Variants in CTSO observed in about 807,000 individuals in gnomAD.
The protein encoded by CTSO is cathepsin O.
Under a neutral mutation model 42.4 loss-of-function variants are expected in CTSO, and 40 were observed. The observed-to-expected ratio is 0.94, with a 90% confidence interval of 0.73 to 1.23. CTSO has a LOEUF of 1.23. Ranked by LOEUF, CTSO falls within the 50% of genes most tolerant of loss-of-function variation. The probability of loss-of-function intolerance (pLI) is 0.00; values close to 1 mark genes in which losing one functional copy is unlikely to be tolerated. For synonymous variants in CTSO, 156 were observed against 146.2 expected (o/e 1.07, Z -0.48); for missense variants, 441 against 396.0 (o/e 1.11, Z -0.96).
At chr4:155,926,537 A>G (rs1743131799) in intron 7 of CTSO, among the ~76,000 whole-genome samples, 1 of 152,218 alleles carries the variant, frequency 6.6e-6, no homozygotes, top group Non-Finnish European at 1.5e-5. Flanking sequence ...ATCATGGCAA[A>G]AGCAATAAAT....
intron 1 of CTSO, among the ~76,000 whole-genome samples, chr4:155,950,857 C>CGTG (rs144613010): frequency 6.6e-6 from 1 of 151,156 alleles, no homozygotes; most frequent in South Asian, 2.1e-4. Context: ...ACCCCACCCC[C>CGTG]ACACCCCAGT....
intron 4 of CTSO, among the ~76,000 whole-genome samples, chr4:155,938,565 A>G (rs947701815): frequency 6.6e-6 from 1 of 152,124 alleles, no homozygotes; most frequent in Non-Finnish European, 1.5e-5. Flanking sequence ...GACTGAAGGT[A>G]CAACTCCGGC....
At chr4:155,929,266 C>G (rs1401960308) in intron 6 of CTSO, among the ~76,000 whole-genome samples, 1 of 152,166 alleles carries the variant, frequency 6.6e-6, no homozygotes, top group African/African-American at 2.4e-5. Flanking sequence ...CTGTTCGGGG[C>G]TCTCAGCTCT....
rs775736194 is a variant in CTSO, at chr4:155,939,364, T to C, written c.552+7A>G. 3.1e-6 allele frequency: 5 copies of C among 1,595,182 alleles called. No individual in the cohort carries two copies. The highest frequency in any genetic ancestry group is 1.3e-5 in the African/African-American group (1 of 74,624). Reference sequence around the variant, plus strand: ...TAAAGAGTTTAAGAGGTTGAGAGACTAGTCACCTTGTTTAACCAGTTCAAA... The same window carrying C: ...TAAAGAGTTTAAGAGGTTGAGAGACCAGTCACCTTGTTTAACCAGTTCAAA... On this transcript the variant is annotated splice_region_variant and intron_variant, in intron 4 of 7. Transcript: ENST00000433477.
chr4:155,926,194 T>C (rs1301600688), intron 7 of CTSO, 124 bp from the exon 8 acceptor site: 1 of 632,368 alleles, frequency 1.6e-6, no homozygotes, highest in East Asian at 3.0e-5. Context: ...GTAATGCTTA[T>C]CACAGCTTGT....
chr4:155,929,701 G>T lies in CTSO; in HGVS notation c.679C>A (p.Gln227Lys). The change falls in exon 6 of 8, where the codon CAA (glutamine) becomes AAA (lysine). Residue 227 changes from glutamine to lysine, a missense_variant. Gln to Lys is a moderately conservative substitution (Grantham distance 53). Transcript: ENST00000433477. Reference sequence around the variant, plus strand: ...AGTGCTTTTGCCATTTCATCTTCTTGGTCACTACCAAAAGAGGAAATATTT... The same window carrying T: ...AGTGCTTTTGCCATTTCATCTTCTTTGTCACTACCAAAAGAGGAAATATTT... ...KGYSAYDFSD[Q>K]EDEMAKALLT... is the part of the protein sequence containing the mutation. The T allele has an allele frequency of 3.1e-6, 5 of 1,608,202 alleles. No individual in the cohort carries two copies. The highest frequency in any genetic ancestry group is 4.2e-6 in the Non-Finnish European group (5 of 1,178,392).
intron 1 of CTSO, among the ~76,000 whole-genome samples, chr4:155,945,090 C>G (rs1481174153): frequency 6.6e-6 from 1 of 151,806 alleles, no homozygotes; most frequent in East Asian, 1.9e-4. Context: ...AAGCCTGTCT[C>G]TACTAAAAAT....
At chr4:155,953,638 C>A (rs547020201) in intron 1 of CTSO, 75 bp downstream of exon 1, 247 of 1,228,906 alleles carry the variant, frequency 2.0e-4, no homozygotes, top group East Asian at 9.9e-4. Context: ...TCTCGGGGGC[C>A]CTCTTCCGCA....
intron 6 of CTSO, 95 bp from the exon 7 acceptor site, chr4:155,928,523 T>C: frequency 4.8e-6 from 4 of 825,910 alleles, no homozygotes; most frequent in Admixed American, 2.4e-5. Context: ...TTGCTAAGGA[T>C]AGTAGCTCTG....
Position 155,929,558 on chromosome 4 carries a change from A to C in CTSO, c.822T>G (p.Thr274=). ...AGCACTTACCTGTTTTATCAAACCC[A>C]GTTATGAGAACTGCATGATTTGCTT... ...SGEANHAVLI[T]GFDKTGSTPY... The change falls in exon 6 of 8, where the codon ACT becomes ACG. Residue 274 remains threonine, a synonymous_variant. Transcript: ENST00000433477. 6.2e-7 allele frequency: 1 copy of C among 1,612,772 alleles called. No homozygotes were observed. Among genetic ancestry groups the C allele is most frequent in the Non-Finnish European group, 8.5e-7 (1 of 1,179,594 alleles).
chr4:155,950,125 G>A (rs1326824920), intron 1 of CTSO, among the ~76,000 whole-genome samples: 3 of 152,202 alleles, frequency 2.0e-5, no homozygotes, highest in Non-Finnish European at 4.4e-5. Flanking sequence ...TGTATGATAA[G>A]AAATGTGTAG....
intron 5 of CTSO, among the ~76,000 whole-genome samples, chr4:155,936,096 G>A (rs1743325414): frequency 6.6e-6 from 1 of 151,852 alleles, no homozygotes; most frequent in African/African-American, 2.4e-5. Context: ...ATACTCTCAA[G>A]GAAGTCAGAG....
At chr4:155,927,596 C>T (rs997412881) in intron 7 of CTSO, among the ~76,000 whole-genome samples, 7 of 151,942 alleles carry the variant, frequency 4.6e-5, no homozygotes, top group South Asian at 2.1e-4. Context: ...GGTGAAACCT[C>T]GTCTCTACTA....
intron 1 of CTSO, among the ~76,000 whole-genome samples, chr4:155,951,823 T>C (rs1432742305): frequency 6.6e-6 from 1 of 152,096 alleles, no homozygotes; most frequent in African/African-American, 2.4e-5. Flanking sequence ...CGAACAGCAA[T>C]CTCCAGCTAA....
chr4:155,932,994 C>A lies in CTSO; in HGVS notation c.675-3289G>T, dbSNP rs187988933. Among the ~76,000 whole-genome samples, 313 of 152,264 alleles carry A rather than the reference C, an allele frequency of 2.1e-3. 1 individual carries two copies. The highest frequency in any genetic ancestry group is 0.017 in the Middle Eastern group (5 of 294). ...CAATAAAAAACTGTGTAGGGCTTTA[C>A]CCTCTGTGAGGGGTATTAATCTATA... On this transcript the variant is annotated intron_variant, in intron 5 of 7. Coordinates refer to ENST00000433477, the MANE Select transcript of CTSO (RefSeq NM_001334.3).
At chr4:155,937,528 A>G (rs1190971527) in intron 4 of CTSO, 45 bp from the exon 5 acceptor site, 1 of 1,576,344 alleles carries the variant, frequency 6.3e-7, no homozygotes, top group East Asian at 2.2e-5. Flanking sequence ...CAATTGTTTT[A>G]TAAATCAAAT....
intron 5 of CTSO, among the ~76,000 whole-genome samples, chr4:155,934,689 G>A (rs545635219): frequency 2.6e-5 from 4 of 152,138 alleles, no homozygotes; most frequent in Non-Finnish European, 5.9e-5. Flanking sequence ...ACTGCCTGCT[G>A]GATTTTGGAG....
chr4:155,933,265 T>C (rs755141894), intron 5 of CTSO, among the ~76,000 whole-genome samples: 51 of 152,092 alleles, frequency 3.4e-4, no homozygotes, highest in Middle Eastern at 6.8e-3. Flanking sequence ...TTATCAGGGG[T>C]TTCCACTTCT....
intron 7 of CTSO, 127 bp from the exon 8 acceptor site, chr4:155,926,197 C>T (rs933124989): frequency 1.4e-5 from 9 of 631,026 alleles, no homozygotes; most frequent in Non-Finnish European, 2.4e-5. Context: ...ATGCTTATCA[C>T]AGCTTGTCAA....
Sources: allele counts gnomAD v4.1 joint callset (sites outside exome capture counted in the v4.1 genomes callset), GRCh38; gene constraint gnomAD v4.1.1; transcripts MANE v1.5; gene names NCBI Gene and HGNC (gene_info 2026-07-23, HGNC 2026-07-21).